The following PARP14 variants were observed in gnomAD, a reference collection of about 807,000 sequenced individuals.
The protein encoded by PARP14 is protein mono-ADP-ribosyltransferase PARP14.
In PARP14, 59 loss-of-function variants were observed where a neutral mutation model predicts 154.2. The observed-to-expected ratio is 0.38, with a 90% CI of 0.31 to 0.48. PARP14 has a LOEUF of 0.48. PARP14 is among the 20% of genes least tolerant of loss of function. The pLI, the probability that PARP14 is intolerant of heterozygous loss-of-function variation, is 0.98. For missense variants in PARP14, 1,734 were observed against 2,131.6 expected (o/e 0.81, Z 3.67); for synonymous variants, 720 against 780.5 (o/e 0.92, Z 1.29).
In PARP14 at chr3:122,681,083, AGGGGT is replaced by A. The variant is rs767324430; in HGVS notation, c.187+20_187+24del. 3.9e-6 allele frequency: 5 copies of A among 1,277,446 alleles called. No individual in the cohort carries two copies. In the Middle Eastern group the frequency reaches 8.7e-4, roughly 222 times the overall value. The allele number at this position is 1,277,446 out of a possible 1,614,324, so 79.1% of individuals were successfully genotyped here. ...TACCCGGAGGACGGTGAGGGGCGCGAGGGGTGGGGTGAGGAGGGGGCACCTCTGCC... is the reference window on the plus strand; with the variant it reads ...TACCCGGAGGACGGTGAGGGGCGCGAGGGGTGAGGAGGGGGCACCTCTGCC... On this transcript the variant is annotated intron_variant, in intron 1 of 16. Transcript: ENST00000474629. This position sits in a 1 kb window ranked among gnomAD's most constrained non-coding sequence, Gnocchi z 5.5.
intron 8 of PARP14, among the ~76,000 whole-genome samples, chr3:122,704,998 T>A (rs1939107716): frequency 6.6e-6 from 1 of 152,222 alleles, no homozygotes. Context: ...TATAATGCAG[T>A]CCCTTGTACC....
intron 4 of PARP14, among the ~76,000 whole-genome samples, chr3:122,693,728 C>A (rs976795766): frequency 5.3e-5 from 8 of 151,734 alleles, no homozygotes; most frequent in African/African-American, 1.9e-4. Flanking sequence ...GTCCTCCCAG[C>A]TACTCAGGAG....
chr3:122,704,790 C>T lies in PARP14; in HGVS notation c.3540+42C>T. ...TTCTGATTATTTTGGCAACTGAGAC[C>T]TAGTGTTTTTTCAAATGTCTTTTTG... On this transcript the variant is annotated intron_variant, in intron 8 of 16. Coordinates refer to ENST00000474629, the MANE Select transcript of PARP14 (RefSeq NM_017554.3). The T allele has an allele frequency of 2.7e-6, 3 of 1,122,734 alleles. No homozygotes were observed. In the South Asian group the frequency reaches 4.4e-5, roughly 16 times the overall value. The allele number at this position is 1,122,734 out of a possible 1,614,324, so 69.5% of individuals were successfully genotyped here.
chr3:122,699,781 G>A lies in PARP14; in HGVS notation c.1227G>A (p.Met409Ile), dbSNP rs1560060120. The A allele has an allele frequency of 2.4e-5, 38 of 1,613,992 alleles. No individual in the cohort carries two copies. The highest frequency in any genetic ancestry group is 3.1e-5 in the Non-Finnish European group (37 of 1,179,880). The change falls in exon 6 of 17, where the codon ATG (methionine) becomes ATA (isoleucine). Residue 409 changes from methionine (M) to isoleucine (I), a missense_variant. Around this residue, in one of 2 missense-constraint regions of PARP14, gnomAD observed 1,646 missense variants for 1,976.0 expected, o/e 0.83. Coordinates refer to ENST00000474629, the MANE Select transcript of PARP14 (RefSeq NM_017554.3). ...ACCCAATTAAAGTGGATCCAACAAT[G>A]TGGGACACCATAAAAAATGATGTGA... ...KVNPIKVDPT[M>I]WDTIKNDVKD...
chr3:122,722,514 T>C (rs532774907), intron 15 of PARP14: 1 of 152,240 alleles, frequency 6.6e-6, no homozygotes, highest in Admixed American at 6.5e-5. Flanking sequence ...GCCAGAGAAT[T>C]GATTTCAACA....
At chr3:122,727,450 A>G (rs979999919) in intron 15 of PARP14, among the ~76,000 whole-genome samples, 2 of 152,242 alleles carry the variant, frequency 1.3e-5, no homozygotes, top group African/African-American at 4.8e-5. Flanking sequence ...TGAGGTGGTG[A>G]GAGGCAAAGT....
intron 5 of PARP14, among the ~76,000 whole-genome samples, chr3:122,698,360 A>G (rs1019070566): frequency 6.6e-6 from 1 of 152,262 alleles, no homozygotes; most frequent in Admixed American, 6.5e-5. Flanking sequence ...AATAACTTAC[A>G]CAAAACGAGG....
chr3:122,726,253 G>A (rs1359609394), intron 15 of PARP14, among the ~76,000 whole-genome samples: 2 of 152,014 alleles, frequency 1.3e-5, no homozygotes, highest in Non-Finnish European at 2.9e-5. Flanking sequence ...TCTAGATTTA[G>A]TATTTCTTCC....
intron 3 of PARP14, among the ~76,000 whole-genome samples, chr3:122,688,558 G>C (rs1049343970): frequency 1.3e-5 from 2 of 151,166 alleles, no homozygotes; most frequent in African/African-American, 2.4e-5. Context: ...ACTTAAGTTG[G>C]CTCCTTTAAA....
intron 5 of PARP14, 93 bp downstream of exon 5, chr3:122,695,755 GTTTA>G (rs1938752729): frequency 3.2e-6 from 2 of 632,402 alleles, no homozygotes; most frequent in Non-Finnish European, 5.6e-6. Context: ...TGTTTTATTT[GTTTA>G]TTTATGTATT....
chr3:122,702,639 C>T (rs557841904), intron 6 of PARP14, among the ~76,000 whole-genome samples: 1 of 152,106 alleles, frequency 6.6e-6, no homozygotes, highest in Non-Finnish European at 1.5e-5. Context: ...AGGTAATTTG[C>T]CCACATCCCC....
At chr3:122,689,027 A>G (rs757885407) in intron 3 of PARP14, among the ~76,000 whole-genome samples, 4 of 152,214 alleles carry the variant, frequency 2.6e-5, no homozygotes, top group Admixed American at 1.3e-4. Context: ...TGGAGAAGAG[A>G]CAAGGGCAAG....
Position 122,718,765 on chromosome 3 carries a change from G to A in PARP14, c.4614G>A (p.Gln1538=). 1.9e-6 allele frequency: 3 copies of A among 1,613,480 alleles called. No individual in the cohort carries two copies. The highest frequency in any genetic ancestry group is 1.7e-5 in the Admixed American group (1 of 59,964). The change falls in exon 14 of 17, where the codon CAG becomes CAA. Residue 1538 remains glutamine (Q), a synonymous_variant. Coordinates refer to ENST00000474629, the MANE Select transcript of PARP14 (RefSeq NM_017554.3). ...ADCISEFIEW[Q]YNDNNTSHCF... is the part of the protein sequence containing the mutation. ...GTATCAGTGAGTTTATAGAATGGCA[G>A]TATAATGACAATAACACTTCTCATT...
At chr3:122,693,842 G>GAA (rs5852310) in intron 4 of PARP14, among the ~76,000 whole-genome samples, 63 of 135,668 alleles carry the variant, frequency 4.6e-4, no homozygotes, top group East Asian at 2.1e-3. Context: ...CCCCGTGTCT[G>GAA]AAAAAAAAAA....
At chr3:122,693,395 C>T (rs1402340544) in intron 4 of PARP14, among the ~76,000 whole-genome samples, 1 of 152,286 alleles carries the variant, frequency 6.6e-6, no homozygotes, top group Middle Eastern at 3.4e-3. Context: ...GTCATGGAGT[C>T]AAAATTCCAG....
At chr3:122,719,093 C>T (rs1256650968) in intron 14 of PARP14, 135 bp downstream of exon 14, 1 of 899,350 alleles carries the variant, frequency 1.1e-6, no homozygotes, top group Non-Finnish European at 1.6e-6. Flanking sequence ...AAAATGTGGC[C>T]TCTGCGCTTA....
rs746923981 is a variant in PARP14, at chr3:122,681,056, T to A, written c.173T>A (p.Phe58Tyr). ...PRSPSRFLVF[F>Y]YPEDVRQKVL... ...AGCCCATCCCGCTTCCTGGTGTTCT[T>A]CTACCCGGAGGACGGTGAGGGGCGC... Residue 58 changes from phenylalanine (F) to tyrosine (Y), a missense_variant, in exon 1 of 17, where the codon TTC becomes TAC. By Grantham distance (22) the Phe-to-Tyr change is conservative. This residue lies in a region of PARP14 where 1,646 missense variants were observed against 1,976.0 expected (regional missense o/e 0.83). Transcript: ENST00000474629. This position sits in a 1 kb window ranked among gnomAD's most constrained non-coding sequence, Gnocchi z 5.5. 1 of 1,612,922 alleles carries A rather than the reference T, an allele frequency of 6.2e-7. No individual in the cohort carries two copies. Among genetic ancestry groups the A allele is most frequent in the East Asian group, 2.2e-5 (1 of 44,840 alleles).
chr3:122,703,643 T>C, intron 6 of PARP14, 99 bp from the exon 7 acceptor site: 1 of 649,896 alleles, frequency 1.5e-6, no homozygotes, highest in Non-Finnish European at 2.7e-6. Context: ...GTCATCTTAG[T>C]TGTCTCCAAT....
At chr3:122,723,724 C>T (rs975309430) in intron 15 of PARP14, among the ~76,000 whole-genome samples, 2 of 152,212 alleles carry the variant, frequency 1.3e-5, no homozygotes, top group African/African-American at 4.8e-5. Flanking sequence ...CACCATTTCT[C>T]TCCACTGGAA....
Sources: allele counts gnomAD v4.1 joint callset (sites outside exome capture counted in the v4.1 genomes callset), GRCh38; gene constraint gnomAD v4.1.1; regional missense constraint gnomAD v4.1.1; non-coding constraint Gnocchi (gnomAD v3.1); transcripts MANE v1.5; gene names NCBI Gene and HGNC (gene_info 2026-07-23, HGNC 2026-07-21).